The following MEF2C variants were observed in gnomAD, a reference collection of about 807,000 sequenced individuals.
MEF2C encodes myocyte enhancer factor 2C, also known as myocyte-specific enhancer factor 2C.
In MEF2C, 6 loss-of-function variants were observed where a neutral mutation model predicts 50.5. That is an observed-to-expected ratio of 0.12 (90% CI 0.07 to 0.23). The LOEUF (loss-of-function observed/expected upper bound fraction) is 0.23. Ranked by LOEUF, MEF2C falls within the 10% of genes least tolerant of loss-of-function variation. The probability of loss-of-function intolerance (pLI) is 1.00; values close to 1 mark genes in which losing one functional copy is unlikely to be tolerated. For synonymous variants in MEF2C, 183 were observed against 228.0 expected (o/e 0.80, Z 1.78); for missense variants, 276 against 605.0 (o/e 0.46, Z 5.70).
At chr5:88,768,617 G>T in intron 3 of MEF2C, 2 of 892,232 alleles carry the variant, frequency 2.2e-6, no homozygotes, top group Non-Finnish European at 2.7e-6. Flanking sequence ...CCTGGCAAGT[G>T]GTCGGAACTT....
intron 1 of MEF2C, among the ~76,000 whole-genome samples, chr5:88,854,334 C>A (rs1178817694): frequency 2.6e-5 from 4 of 152,124 alleles, no homozygotes; most frequent in African/African-American, 9.7e-5. Flanking sequence ...AGAAATCAAT[C>A]AGGAAGTATA....
intron 3 of MEF2C, among the ~76,000 whole-genome samples, chr5:88,800,895 A>G (rs983984394): frequency 6.6e-6 from 1 of 152,162 alleles, no homozygotes; most frequent in African/African-American, 2.4e-5. Flanking sequence ...ACAGATATTC[A>G]AGCTGCATTA....
intron 3 of MEF2C, among the ~76,000 whole-genome samples, chr5:88,803,803 T>C (rs1799306076): frequency 6.6e-6 from 1 of 151,792 alleles, no homozygotes; most frequent in Non-Finnish European, 1.5e-5. Flanking sequence ...ATAATAAAAA[T>C]AAAATAAAAT....
intron 3 of MEF2C, chr5:88,785,598 A>G (rs1290862593): frequency 6.6e-6 from 1 of 152,166 alleles, no homozygotes; most frequent in African/African-American, 2.4e-5. Flanking sequence ...TCTTGCTGTG[A>G]AACTCCTTAA....
At chr5:88,853,259 T>C (rs1822057167) in intron 1 of MEF2C, among the ~76,000 whole-genome samples, 1 of 151,946 alleles carries the variant, frequency 6.6e-6, no homozygotes. Flanking sequence ...TAAAAAAAAG[T>C]AAAGAAAAAG....
intron 1 of MEF2C, among the ~76,000 whole-genome samples, chr5:88,881,584 C>T (rs1581953261): frequency 6.6e-6 from 1 of 152,120 alleles, no homozygotes; most frequent in South Asian, 2.1e-4. Flanking sequence ...GTATGCAATA[C>T]GAGGTTAAAC....
chr5:88,892,200 T>A (rs1834660591), intron 1 of MEF2C: 1 of 152,306 alleles, frequency 6.6e-6, no homozygotes, highest in South Asian at 2.1e-4. Flanking sequence ...CCTCACCTTC[T>A]CCATGGCTGA....
intron 6 of MEF2C, among the ~76,000 whole-genome samples, chr5:88,745,585 G>A (rs2152457740): frequency 1.3e-5 from 2 of 152,330 alleles, no homozygotes; most frequent in East Asian, 3.9e-4. Flanking sequence ...CAAGGAGAGA[G>A]GATTGCTTGA....
intron 3 of MEF2C, among the ~76,000 whole-genome samples, chr5:88,774,827 G>A (rs1470551576): frequency 1.3e-5 from 2 of 152,206 alleles, no homozygotes; most frequent in East Asian, 3.9e-4. Context: ...AAAATTCTGA[G>A]GCAGTTTCTC....
intron 10 of MEF2C, among the ~76,000 whole-genome samples, chr5:88,728,002 C>T (rs1759676568): frequency 6.6e-6 from 1 of 151,778 alleles, no homozygotes; most frequent in African/African-American, 2.4e-5. Flanking sequence ...GTATTATATA[C>T]ATATATTTCT....
intron 6 of MEF2C, chr5:88,748,689 G>T: frequency 1.2e-6 from 1 of 833,646 alleles, no homozygotes; most frequent in Non-Finnish European, 1.4e-6. Context: ...ATGCATAGAA[G>T]TTCAATACTT....
intron 1 of MEF2C, among the ~76,000 whole-genome samples, chr5:88,865,081 G>T (rs920763967): frequency 6.4e-4 from 98 of 152,108 alleles, no homozygotes; most frequent in African/African-American, 2.3e-3. Flanking sequence ...AAAAAATTTG[G>T]AGACTGGATC....
At chr5:88,751,728 G>T in intron 5 of MEF2C, 129 bp downstream of exon 5, 4 of 1,152,734 alleles carry the variant, frequency 3.5e-6, no homozygotes, top group Admixed American at 2.1e-5. Flanking sequence ...TAGCTCGGGG[G>T]TGGATGGTAA....
intron 2 of MEF2C, among the ~76,000 whole-genome samples, chr5:88,808,453 G>T (rs1801440170): frequency 6.6e-6 from 1 of 152,204 alleles, no homozygotes; most frequent in Middle Eastern, 3.4e-3. Flanking sequence ...GTCACTATTT[G>T]TGTTTACTTT....
chr5:88,796,178 C>CT (rs1313076216), intron 3 of MEF2C, among the ~76,000 whole-genome samples: 5 of 152,114 alleles, frequency 3.3e-5, no homozygotes, highest in African/African-American at 1.2e-4. Context: ...AGGAGTCCCT[C>CT]TTTTTTTATT....
At chr5:88,748,774 T>C in intron 6 of MEF2C, 1 of 985,370 alleles carries the variant, frequency 1.0e-6, no homozygotes, top group Non-Finnish European at 1.2e-6. Flanking sequence ...TTGCTAAAGG[T>C]ACTCTTGTGT....
chr5:88,771,639 C>T, intron 3 of MEF2C: 2 of 982,136 alleles, frequency 2.0e-6, no homozygotes, highest in Non-Finnish European at 2.4e-6. Flanking sequence ...CCAAGATTCT[C>T]AGTTATGGTT....
chr5:88,804,484 G>C, intron 3 of MEF2C, 114 bp downstream of exon 3: 1 of 889,198 alleles, frequency 1.1e-6, no homozygotes, highest in Non-Finnish European at 1.8e-6. Flanking sequence ...TCTATCTATG[G>C]GACTATGAAC....
At chr5:88,800,159 G>T (rs1167680709) in intron 3 of MEF2C, among the ~76,000 whole-genome samples, 1 of 152,082 alleles carries the variant, frequency 6.6e-6, no homozygotes, top group South Asian at 2.1e-4. Flanking sequence ...CTTCCTGGCT[G>T]GGTGCTAAGT....
Sources: allele counts gnomAD v4.1 joint callset (sites outside exome capture counted in the v4.1 genomes callset), GRCh38; gene constraint gnomAD v4.1.1; transcripts MANE v1.5; gene names NCBI Gene and HGNC (gene_info 2026-07-23, HGNC 2026-07-21).